The following POLN variants were observed in gnomAD, a reference collection of about 807,000 sequenced individuals.
POLN encodes the protein DNA polymerase N.
Under a neutral mutation model 113.5 loss-of-function variants are expected in POLN, and 108 were observed. That is an observed-to-expected ratio of 0.95 (90% confidence interval 0.81 to 1.12). The LOEUF is 1.12. Among genes scored for constraint, POLN ranks in the 50% most tolerant of loss-of-function variants. The probability of loss-of-function intolerance (pLI) is 0.00; values close to 1 mark genes in which losing one functional copy is unlikely to be tolerated. For synonymous variants in POLN, 386 were observed against 391.5 expected (o/e 0.99, Z 0.17); for missense variants, 1,097 against 1,077.1 (o/e 1.02, Z -0.26).
intron 3 of POLN, among the ~76,000 whole-genome samples, chr4:2,213,826 A>G (rs866100606): frequency 7.9e-5 from 12 of 152,376 alleles, no homozygotes; most frequent in Middle Eastern, 3.4e-3. Flanking sequence ...AAGACACAGC[A>G]TTAGGATATA....
chr4:2,179,274 T>C (rs751742642), intron 8 of POLN, 34 bp downstream of exon 8: 1 of 1,578,080 alleles, frequency 6.3e-7, no homozygotes, highest in South Asian at 1.1e-5. Flanking sequence ...TAGGATGTAT[T>C]AAGGTTGATA....
At chr4:2,148,532 T>G (rs1321408064) in intron 16 of POLN, among the ~76,000 whole-genome samples, 1 of 152,094 alleles carries the variant, frequency 6.6e-6, no homozygotes, top group Non-Finnish European at 1.5e-5. Flanking sequence ...CTGGGCATGG[T>G]GGCATGCGCC....
intron 11 of POLN, among the ~76,000 whole-genome samples, chr4:2,171,467 G>A (rs1056764564): frequency 3.3e-5 from 5 of 151,798 alleles, no homozygotes; most frequent in South Asian, 2.1e-4. Flanking sequence ...AGGCTGAGGT[G>A]GGAGGATTGT....
chr4:2,129,808 A>T (rs192586445), intron 17 of POLN, among the ~76,000 whole-genome samples: 1 of 152,330 alleles, frequency 6.6e-6, no homozygotes, highest in Non-Finnish European at 1.5e-5. Flanking sequence ...TCAAACGTTG[A>T]CAACCAAATG....
At chr4:2,181,134 TTTTG>T (rs1733129742) in intron 7 of POLN, among the ~76,000 whole-genome samples, 1 of 152,052 alleles carries the variant, frequency 6.6e-6, no homozygotes, top group South Asian at 2.1e-4. Context: ...AAAGGGAATT[TTTTG>T]TTTGTTTGTT....
intron 6 of POLN, 109 bp downstream of exon 6, chr4:2,198,415 A>C (rs1202387740): frequency 1.0e-6 from 1 of 958,052 alleles, no homozygotes; most frequent in Non-Finnish European, 1.5e-6. Context: ...ATGTGCCCAT[A>C]CAAAACTTCT....
intron 7 of POLN, among the ~76,000 whole-genome samples, chr4:2,179,708 C>T (rs1466499213): frequency 2.0e-5 from 3 of 152,184 alleles, no homozygotes; most frequent in African/African-American, 7.2e-5. Flanking sequence ...AGGCAGATTT[C>T]AAGTAGCCAT....
At chr4:2,215,455 T>C (rs550787292) in intron 3 of POLN, among the ~76,000 whole-genome samples, 1 of 152,204 alleles carries the variant, frequency 6.6e-6, no homozygotes, top group Non-Finnish European at 1.5e-5. Flanking sequence ...ATGGCTAAGA[T>C]GCAGTCACTC....
rs1732447706 is a variant in POLN, at chr4:2,156,873, TC to T, written c.1666-21del. On this transcript the variant is annotated intron_variant, in intron 15 of 25. Transcript: ENST00000511885. ...GGAGCCCTTTATTAGTTAAAAAGAA[TC>T]AGTGTAAACTCCAGCAATGCTATGT... 3.1e-6 allele frequency: 5 copies of T among 1,590,930 alleles called. No individual in the cohort carries two copies. The highest frequency in any genetic ancestry group is 4.3e-6 in the Non-Finnish European group (5 of 1,158,932).
intron 19 of POLN, among the ~76,000 whole-genome samples, chr4:2,101,159 A>G (rs1730913624): frequency 6.6e-6 from 1 of 152,150 alleles, no homozygotes; most frequent in African/African-American, 2.4e-5. Context: ...AAAAAAAAAA[A>G]TCAAAACTGA....
At chr4:2,079,038 T>A (rs1344086436) in intron 23 of POLN, 1 of 559,670 alleles carries the variant, frequency 1.8e-6, no homozygotes, top group African/African-American at 2.0e-5. Flanking sequence ...CAGGTGATCC[T>A]CCCACTTCAG....
In POLN at chr4:2,228,640, T is replaced by A. The variant is rs78282503; in HGVS notation, c.133+459A>T. On this transcript the variant is annotated intron_variant, in intron 3 of 25. Transcript: ENST00000511885. The stretch of plus-strand genomic sequence containing the variant: ...CGTGAGCCACCGCACCCGGCCCCAC[T>A]GCTTTTACTATTATACCACATCATA... The A allele has an allele frequency of 4.9e-4, 83 of 170,208 alleles. 1 individual carries two copies. In the East Asian group the frequency reaches 0.013, roughly 27 times the overall value. 10.5% of individuals were successfully genotyped at this position (170,208 alleles called of 1,614,324 possible). A position where few individuals can be genotyped will look rare whatever the true frequency, so the allele number is the denominator to read the frequency against.
rs745649232 is a variant in POLN at position 2,179,328 on chromosome 4, T to G, written c.1159A>C (p.Asn387His). Residue 387 changes from asparagine (N) to histidine (H), a missense_variant, in exon 8 of 26, where the codon AAT (asparagine) becomes CAT (histidine). Physicochemically the swap from Asn to His is moderately conservative, Grantham distance 68. Coordinates refer to ENST00000511885, the MANE Select transcript of POLN (RefSeq NM_181808.4). ...CTCACCACAATATTTCTTGAGGAAT[T>G]TCCATATGTGCTGTTCACTTTAACT... ...ITVKVNSTYG[N>H]SSRNIVNQNV... 8 of 1,612,276 alleles carry G rather than the reference T, an allele frequency of 5.0e-6. No homozygotes were observed. The highest frequency in any genetic ancestry group is 5.9e-6 in the Non-Finnish European group (7 of 1,179,034).
intron 4 of POLN, 146 bp downstream of exon 4, chr4:2,212,901 A>T (rs551272195): frequency 2.1e-6 from 1 of 467,616 alleles, no homozygotes; most frequent in African/African-American, 2.0e-5. Context: ...AAATTAAACT[A>T]TAAGTTCTTG....
At chr4:2,196,931 A>G (rs1050493876) in intron 6 of POLN, among the ~76,000 whole-genome samples, 1 of 152,194 alleles carries the variant, frequency 6.6e-6, no homozygotes, top group South Asian at 2.1e-4. Context: ...GCCCTTGGGT[A>G]GAGGCGCACA....
chr4:2,072,651 C>T lies in POLN; in HGVS notation c.2517+317G>A, dbSNP rs769338656. The stretch of plus-strand genomic sequence containing the variant: ...TGCTTGCCCCTCAGGGTCCTGCCCC[C>T]GGGAGGATTGGTGGCTCCTAGAGGC... On this transcript the variant is annotated intron_variant, in intron 25 of 25. Coordinates refer to ENST00000511885, the MANE Select transcript of POLN (RefSeq NM_181808.4). Among the ~76,000 whole-genome samples the T allele has an allele frequency of 5.2e-4, 79 of 152,144 alleles. 1 individual carries two copies. Among genetic ancestry groups the T allele is most frequent in the Non-Finnish European group, 1.5e-4 (10 of 68,004 alleles).
intron 19 of POLN, among the ~76,000 whole-genome samples, chr4:2,105,194 C>T (rs1270833221): frequency 1.3e-5 from 2 of 152,204 alleles, no homozygotes; most frequent in African/African-American, 2.4e-5. Context: ...CCAATTGCCC[C>T]ACTGGGACTC....
intron 21 of POLN, among the ~76,000 whole-genome samples, chr4:2,083,525 C>T (rs1337948055): frequency 6.6e-6 from 1 of 152,242 alleles, no homozygotes; most frequent in African/African-American, 2.4e-5. Flanking sequence ...TGGCCTAAGG[C>T]AGAAGTCTCC....
In POLN at chr4:2,135,774, C is replaced by T. The variant is rs934569696; in HGVS notation, c.1732-4484G>A. Among the ~76,000 whole-genome samples the T allele has an allele frequency of 5.3e-5, 8 of 152,302 alleles. 1 individual carries two copies. Among genetic ancestry groups the T allele is most frequent in the African/African-American group, 1.9e-4 (8 of 41,554 alleles). On this transcript the variant is annotated intron_variant, in intron 16 of 25. Transcript: ENST00000511885. ...TGGATGAAAGCGTGGCTATCACACG[C>T]CCATGAGAGCATCGAAGTCAGACAT...
Sources: allele counts gnomAD v4.1 joint callset (sites outside exome capture counted in the v4.1 genomes callset), GRCh38; gene constraint gnomAD v4.1.1; transcripts MANE v1.5; gene names NCBI Gene and HGNC (gene_info 2026-07-23, HGNC 2026-07-21).